Variants in TENM2 observed in about 807,000 individuals in gnomAD.
TENM2 encodes teneurin-2.
In TENM2, 52 loss-of-function variants were observed where a neutral mutation model predicts 245.2. The observed-to-expected ratio is 0.21, with a 90% CI of 0.17 to 0.27. The LOEUF is 0.27. Ranked by LOEUF, TENM2 falls within the 10% of genes least tolerant of loss-of-function variation. The pLI is 1.00. For synonymous variants in TENM2, 1,363 were observed against 1,438.9 expected (o/e 0.95, Z 1.19); for missense variants, 3,046 against 3,666.8 (o/e 0.83, Z 4.37).
At chr5:167,757,142 G>A (rs1371339961) in intron 2 of TENM2, among the ~76,000 whole-genome samples, 2 of 150,572 alleles carry the variant, frequency 1.3e-5, no homozygotes, top group African/African-American at 4.9e-5. Context: ...TGCAGAATGT[G>A]CAGTTTTGTT....
At chr5:167,869,423 G>C (rs1035373) in intron 2 of TENM2, among the ~76,000 whole-genome samples, 1 of 152,086 alleles carries the variant, frequency 6.6e-6, no homozygotes, top group Non-Finnish European at 1.5e-5. Flanking sequence ...CTTACCTTTG[G>C]GTATGTTATT....
the TENM2 span, among the ~76,000 whole-genome samples, chr5:167,099,482 G>A: frequency 5.0e-3 from 767 of 152,224 alleles, 5 homozygotes; most frequent in Non-Finnish European, 7.9e-3. Context: ...GATCGCCTGA[G>A]GTTGGGAGTT....
chr5:167,749,659 G>A (rs114762145), intron 2 of TENM2, among the ~76,000 whole-genome samples: 1,827 of 151,706 alleles, frequency 0.012, 8 homozygotes, highest in Non-Finnish European at 0.021. Flanking sequence ...AAATCAATGG[G>A]AAGAGAGCAA....
intron 2 of TENM2, among the ~76,000 whole-genome samples, chr5:167,405,297 T>G (rs558239946): frequency 1.8e-4 from 28 of 152,194 alleles, no homozygotes; most frequent in Middle Eastern, 3.4e-3. Flanking sequence ...GCCTTGAAGT[T>G]TCCTGCATCT....
intron 2 of TENM2, among the ~76,000 whole-genome samples, chr5:167,593,073 A>G (rs1582480347): frequency 6.6e-6 from 1 of 152,122 alleles, no homozygotes; most frequent in East Asian, 1.9e-4. Context: ...ATTCATTTGG[A>G]AATTATTCCT....
chr5:167,047,797 G>A, the TENM2 span, among the ~76,000 whole-genome samples: 1 of 152,144 alleles, frequency 6.6e-6, no homozygotes, highest in African/African-American at 2.4e-5. Context: ...TGGTGGTTGT[G>A]TGATGATGTT....
intron 3 of TENM2, among the ~76,000 whole-genome samples, chr5:167,936,157 ATT>A (rs1295550032): frequency 6.6e-6 from 1 of 152,136 alleles, no homozygotes; most frequent in Non-Finnish European, 1.5e-5. Context: ...AAGGTCTGTA[ATT>A]TGTTTCCCAT....
chr5:167,773,645 TTCTC>T, intron 2 of TENM2, among the ~76,000 whole-genome samples: 1 of 152,272 alleles, frequency 6.6e-6, no homozygotes, highest in Non-Finnish European at 1.5e-5. Context: ...TCAGATATCA[TTCTC>T]TCTCTTATTG....
chr5:166,997,166 C>T, the TENM2 span, among the ~76,000 whole-genome samples: 1 of 152,136 alleles, frequency 6.6e-6, no homozygotes, highest in South Asian at 2.1e-4. Context: ...CATCTGCCCA[C>T]CATGCCAGCG....
At chr5:167,755,208 G>A (rs746521310) in intron 2 of TENM2, 2 of 1,589,874 alleles carry the variant, frequency 1.3e-6, no homozygotes, top group Non-Finnish European at 1.7e-6. Flanking sequence ...GATGATGGAT[G>A]TGCATGCAGA....
intron 3 of TENM2, among the ~76,000 whole-genome samples, chr5:167,938,924 C>G (rs1483238013): frequency 1.4e-5 from 2 of 139,468 alleles, no homozygotes; most frequent in Non-Finnish European, 3.0e-5. Context: ...GCCTGGATGA[C>G]AGAGCAAGAC....
intron 5 of TENM2, among the ~76,000 whole-genome samples, chr5:168,008,151 G>A (rs1784967594): frequency 6.6e-6 from 1 of 152,204 alleles, no homozygotes; most frequent in South Asian, 2.1e-4. Context: ...ACTGGATGGA[G>A]AAGGTTCTAG....
chr5:166,983,860 T>C, the TENM2 span, among the ~76,000 whole-genome samples: 1 of 152,128 alleles, frequency 6.6e-6, no homozygotes, highest in Admixed American at 6.6e-5. Flanking sequence ...GAAAGCCCAG[T>C]GTACTCTTCC....
the TENM2 span, among the ~76,000 whole-genome samples, chr5:167,019,836 G>A: frequency 6.6e-6 from 1 of 151,966 alleles, no homozygotes; most frequent in Non-Finnish European, 1.5e-5. Context: ...AAAATTTAGG[G>A]TATATTTATT....
At chr5:167,641,603 CA>C (rs1384529055) in intron 2 of TENM2, among the ~76,000 whole-genome samples, 1 of 152,086 alleles carries the variant, frequency 6.6e-6, no homozygotes, top group Non-Finnish European at 1.5e-5. Flanking sequence ...CTAAATCTTA[CA>C]AAGACAGTAA....
chr5:167,033,051 A>T, the TENM2 span, among the ~76,000 whole-genome samples: 1 of 152,204 alleles, frequency 6.6e-6, no homozygotes, highest in Non-Finnish European at 1.5e-5. Flanking sequence ...AACGTCAGTG[A>T]GAGACAGAAG....
intron 2 of TENM2, among the ~76,000 whole-genome samples, chr5:167,565,223 G>T (rs1006267915): frequency 2.6e-5 from 4 of 152,222 alleles, no homozygotes; most frequent in African/African-American, 9.6e-5. Flanking sequence ...CTTATTATGC[G>T]TGAGATGATG....
chr5:168,262,852 G>C (rs774971742), exon 29 of TENM2: 6 of 1,523,660 alleles, frequency 3.9e-6, no homozygotes, highest in Non-Finnish European at 5.3e-6. Flanking sequence ...TGGCTCAGCA[G>C]GAGTAACTGT....
chr5:168,248,596 G>A (rs1287382687), intron 27 of TENM2, among the ~76,000 whole-genome samples: 1 of 152,222 alleles, frequency 6.6e-6, no homozygotes, highest in Non-Finnish European at 1.5e-5. Flanking sequence ...TTCATGTCCA[G>A]TCAGTTGAAA....
Sources: gnomAD v4.1 joint callset for allele counts (sites outside exome capture counted in the v4.1 genomes callset) on GRCh38, gnomAD v4.1.1 for gene constraint, MANE v1.5 for transcripts, NCBI Gene and HGNC (gene_info 2026-07-23, HGNC 2026-07-21) for gene names.